HTR3B: variants seen among roughly 807,000 people sequenced by gnomAD.
The protein encoded by HTR3B is 5-hydroxytryptamine receptor 3B, also known as 5-hydroxytryptamine (serotonin) receptor 3B, ionotropic.
In HTR3B, 44 loss-of-function variants were observed where a neutral mutation model predicts 42.8. That is an observed-to-expected ratio of 1.03 (90% confidence interval 0.81 to 1.32). The LOEUF (loss-of-function observed/expected upper bound fraction) is 1.32, where lower values mean the gene tolerates loss of function less well. Ranked by LOEUF, HTR3B falls within the 40% of genes most tolerant of loss-of-function variation. The pLI is 0.00. For missense variants in HTR3B, 527 were observed against 536.5 expected, an observed-to-expected ratio of 0.98 and a Z score of 0.17; for synonymous variants, 203 against 209.0, an observed-to-expected ratio of 0.97 and a Z score of 0.25.
At chr11:113,910,251 A>G (rs1949777271) in intron 2 of HTR3B, among the ~76,000 whole-genome samples, 1 of 152,170 alleles carries the variant, frequency 6.6e-6, no homozygotes. Context: ...TTATTAAAGC[A>G]TCCTTTTTCT....
In HTR3B at chr11:113,933,091, A is replaced by T. The variant is rs1316185332; in HGVS notation, c.694A>T (p.Asn232Tyr). ...TGGAGGATTTGCACAGATTCAGTTT[A>T]ATGTAGGTTCTTTACTACCTGTCCC... is the stretch of plus-strand genomic sequence containing the variant. Reference protein sequence around the residue: ...SAGGFAQIQFNVVMRRHPLVY... With the variant: ...SAGGFAQIQFYVVMRRHPLVY... The change falls in exon 6 of 9, where the codon AAT becomes TAT. Residue 232 changes from asparagine (N) to tyrosine (Y), a missense_variant and splice_region_variant. Physicochemically the swap from Asn to Tyr is moderately radical, Grantham distance 143. Transcript: ENST00000260191. 6.2e-7 allele frequency: 1 copy of T among 1,612,846 alleles called. No individual in the cohort carries two copies. The highest frequency in any genetic ancestry group is 1.1e-5 in the South Asian group (1 of 90,822).
At chr11:113,912,532 C>T (rs941247765) in intron 2 of HTR3B, among the ~76,000 whole-genome samples, 8 of 152,188 alleles carry the variant, frequency 5.3e-5, no homozygotes, top group African/African-American at 1.9e-4. Flanking sequence ...CGTGAGCCAC[C>T]GTGCCCGGCG....
At chr11:113,926,729 A>C (rs982936220) in intron 2 of HTR3B, among the ~76,000 whole-genome samples, 4 of 152,042 alleles carry the variant, frequency 2.6e-5, no homozygotes, top group Non-Finnish European at 5.9e-5. Context: ...GGGTTTCACC[A>C]TGTTGGCCAG....
upstream of HTR3B, among the ~76,000 whole-genome samples, chr11:113,899,821 G>C (rs569810015): frequency 1.3e-5 from 2 of 152,262 alleles, no homozygotes; most frequent in South Asian, 2.1e-4. Flanking sequence ...GAGTGCAAAG[G>C]CTCATGGGGA....
At chr11:113,944,883 G>A (rs575378701) in intron 8 of HTR3B, 128 bp downstream of exon 8, 2 of 768,502 alleles carry the variant, frequency 2.6e-6, no homozygotes. Context: ...TCTTAGCCTG[G>A]GTGTGGCATT....
intron 6 of HTR3B, among the ~76,000 whole-genome samples, chr11:113,942,333 A>T (rs1257412335): frequency 7.2e-5 from 11 of 152,120 alleles, no homozygotes; most frequent in Non-Finnish European, 2.9e-5. Context: ...GCATGGTGGC[A>T]CTCACCTGTA....
chr11:113,940,030 G>A (rs1036067882), intron 6 of HTR3B, among the ~76,000 whole-genome samples: 1 of 152,036 alleles, frequency 6.6e-6, no homozygotes, highest in Non-Finnish European at 1.5e-5. Flanking sequence ...GGGACTACAG[G>A]CACATGCCAC....
At chr11:113,913,350 A>ATTTTTTTTTTTTTTTTTTTTTTTTTTT (rs71063533) in intron 2 of HTR3B, among the ~76,000 whole-genome samples, 2 of 61,520 alleles carry the variant, frequency 3.3e-5, no homozygotes, top group Admixed American at 2.5e-4. Flanking sequence ...TGTCTGGCTA[A>ATTTTTTTTTTTTTTTTTTTTTTTTTTT]TTTTTTTTTT....
chr11:113,926,911 A>G (rs148728149), intron 2 of HTR3B, among the ~76,000 whole-genome samples: 1 of 152,234 alleles, frequency 6.6e-6, no homozygotes, highest in East Asian at 1.9e-4. Flanking sequence ...CATCCTTGCC[A>G]ATATTTGTTA....
chr11:113,932,891 C>T, intron 5 of HTR3B, 45 bp from the exon 6 acceptor site: 1 of 1,590,076 alleles, frequency 6.3e-7, no homozygotes, highest in Non-Finnish European at 8.6e-7. Flanking sequence ...TGGATGTTGG[C>T]ATCTCTTTCT....
At chr11:113,943,233 C>G in intron 7 of HTR3B, 41 bp downstream of exon 7, 1 of 1,490,448 alleles carries the variant, frequency 6.7e-7, no homozygotes, top group South Asian at 1.2e-5. Context: ...TCTTACATGA[C>G]CCCTGTGAAA....
intron 7 of HTR3B, among the ~76,000 whole-genome samples, 166 bp downstream of exon 7, chr11:113,943,358 G>A (rs904755643): frequency 5.3e-5 from 8 of 152,160 alleles, no homozygotes; most frequent in Non-Finnish European, 1.2e-4. Flanking sequence ...GCAACATAGT[G>A]AGACTTTACT....
intron 6 of HTR3B, among the ~76,000 whole-genome samples, chr11:113,936,850 C>T (rs1264681229): frequency 6.6e-6 from 1 of 152,162 alleles, no homozygotes; most frequent in Non-Finnish European, 1.5e-5. Flanking sequence ...CTGGTGGGGT[C>T]TACCATCAAG....
upstream of HTR3B, among the ~76,000 whole-genome samples, chr11:113,903,296 A>G (rs1949708323): frequency 2.0e-5 from 3 of 152,194 alleles, no homozygotes; most frequent in Non-Finnish European, 1.5e-5. Flanking sequence ...CGGAAGAGCT[A>G]TGGAAGCTAG....
chr11:113,939,168 GGCCTA>G (rs1950114181), intron 6 of HTR3B, among the ~76,000 whole-genome samples: 1 of 152,138 alleles, frequency 6.6e-6, no homozygotes. Flanking sequence ...GGTTTTGGAA[GGCCTA>G]TCTAGTTTTG....
At position 113,947,068 on chromosome 11, in the gene HTR3B, G is replaced by A. The variant is rs1357445013; in HGVS notation, c.*931G>A. 6.6e-6 allele frequency among the ~76,000 whole-genome samples: 1 copy of A among 151,406 alleles called. No homozygotes were observed. The highest frequency in any genetic ancestry group is 2.4e-5 in the African/African-American group (1 of 41,218). Reference sequence around the variant, plus strand: ...TCCACCCTCTTCCTGTGCCCCTTCAGCAGTGCATCCCCACTGGAGAGAACC... The same window carrying A: ...TCCACCCTCTTCCTGTGCCCCTTCAACAGTGCATCCCCACTGGAGAGAACC... On this transcript the variant is annotated 3_prime_UTR_variant, in exon 9 of 9. Transcript: ENST00000260191.
Position 113,943,082 on chromosome 11 carries a change from A to C in HTR3B, c.797A>C (p.Asn266Thr). The C allele has an allele frequency of 6.2e-7, 1 of 1,614,064 alleles. No homozygotes were observed. Among genetic ancestry groups the C allele is most frequent in the Non-Finnish European group, 8.5e-7 (1 of 1,180,006 alleles). ...VDLGSFYLPP[N>T]CRARIVFKTS... ...CTGGGGAGCTTCTACCTGCCACCCA[A>C]CTGCCGAGCCAGGATTGTGTTCAAG... Residue 266 changes from asparagine (N) to threonine (T), a missense_variant, in exon 7 of 9, where the codon AAC (asparagine) becomes ACC (threonine). Asn to Thr is a moderately conservative substitution (Grantham distance 65). Transcript: ENST00000260191.
intron 2 of HTR3B, among the ~76,000 whole-genome samples, chr11:113,909,984 C>CAAAAAA (rs1178070726): frequency 2.6e-5 from 1 of 39,002 alleles, no homozygotes; most frequent in Non-Finnish European, 4.9e-5. Flanking sequence ...ACCTTGTCTC[C>CAAAAAA]AAAAAAAAAA....
rs150944907 is a variant in HTR3B at position 113,932,164 on chromosome 11, C to A, written c.369-125C>A. ...AGGGTGAATCATCTCATGGAAAATG[C>A]GATTCTGTTTTGCAGGGCTAGGCTG... On this transcript the variant is annotated intron_variant, in intron 4 of 8. Coordinates refer to ENST00000260191, the MANE Select transcript of HTR3B (RefSeq NM_006028.5). 7.9e-6 allele frequency: 6 copies of A among 762,672 alleles called. 1 individual carries two copies. Among genetic ancestry groups the A allele is most frequent in the African/African-American group, 5.2e-5 (3 of 57,310 alleles). The allele number at this position is 762,672 out of a possible 1,614,324, so 47.2% of individuals were successfully genotyped here.
Sources: allele counts gnomAD v4.1 joint callset (sites outside exome capture counted in the v4.1 genomes callset), GRCh38; gene constraint gnomAD v4.1.1; transcripts MANE v1.5; gene names NCBI Gene and HGNC (gene_info 2026-07-23, HGNC 2026-07-21).